The following ROBO1 variants were observed in gnomAD, a reference collection of about 807,000 sequenced individuals.
ROBO1 encodes roundabout homolog 1.
In ROBO1, 149 loss-of-function variants were observed where a neutral mutation model predicts 195.9. The observed-to-expected ratio is 0.76, with a 90% confidence interval of 0.67 to 0.87. The LOEUF is 0.87. ROBO1 is among the 40% of genes least tolerant of loss of function. The pLI, the probability that ROBO1 is intolerant of heterozygous loss-of-function variation, is 0.00. For missense variants in ROBO1, 1,933 were observed against 2,068.3 expected (o/e 0.93, Z 1.27); for synonymous variants, 816 against 733.2 (o/e 1.11, Z -1.82).
intron 2 of ROBO1, among the ~76,000 whole-genome samples, chr3:79,138,811 C>A (rs561239571): frequency 6.6e-6 from 1 of 151,734 alleles, no homozygotes; most frequent in Non-Finnish European, 1.5e-5. Context: ...TTAGGAAATT[C>A]TGATATAGAT....
chr3:78,807,491 C>T (rs1430746978), intron 4 of ROBO1, among the ~76,000 whole-genome samples: 1 of 152,056 alleles, frequency 6.6e-6, no homozygotes, highest in Non-Finnish European at 1.5e-5. Flanking sequence ...AAAAATGTTG[C>T]TGTGTTTCAT....
At chr3:79,177,893 G>T (rs532053815) in intron 2 of ROBO1, among the ~76,000 whole-genome samples, 2 of 152,196 alleles carry the variant, frequency 1.3e-5, no homozygotes, top group South Asian at 4.1e-4. Flanking sequence ...TATAATTTAA[G>T]AAATTATATC....
At chr3:79,417,631 A>G (rs922537999) in intron 2 of ROBO1, among the ~76,000 whole-genome samples, 2 of 152,134 alleles carry the variant, frequency 1.3e-5, no homozygotes, top group Non-Finnish European at 2.9e-5. Context: ...TTCCAAAACC[A>G]TGGTTATAAT....
chr3:79,571,950 G>GA (rs200291197), intron 2 of ROBO1, among the ~76,000 whole-genome samples: 5 of 147,550 alleles, frequency 3.4e-5, no homozygotes, highest in Admixed American at 6.7e-5. Flanking sequence ...TTGCAGACTA[G>GA]AAAAAAAAAA....
chr3:79,633,491 A>G (rs1576153307), intron 1 of ROBO1, among the ~76,000 whole-genome samples: 1 of 151,516 alleles, frequency 6.6e-6, no homozygotes, highest in East Asian at 2.0e-4. Context: ...CAGCCTACAT[A>G]TTTGTTCTTA....
At chr3:79,276,084 A>T (rs958456357) in intron 2 of ROBO1, among the ~76,000 whole-genome samples, 3 of 152,082 alleles carry the variant, frequency 2.0e-5, no homozygotes, top group African/African-American at 7.2e-5. Context: ...ATCCCTATCA[A>T]AATATCAATG....
At chr3:79,235,297 A>G (rs554853764) in intron 2 of ROBO1, among the ~76,000 whole-genome samples, 46 of 152,308 alleles carry the variant, frequency 3.0e-4, no homozygotes, top group Admixed American at 1.4e-3. Flanking sequence ...AAAAAGGAAA[A>G]TAAGTGGTTG....
At chr3:79,058,700 A>G (rs1003519734) in intron 3 of ROBO1, among the ~76,000 whole-genome samples, 1 of 9,264 alleles carries the variant, frequency 1.1e-4, no homozygotes, top group African/African-American at 1.2e-4. Context: ...ATACACTTGT[A>G]TTAACTCCCT....
intron 4 of ROBO1, among the ~76,000 whole-genome samples, chr3:78,891,186 G>T (rs915071399): frequency 6.6e-6 from 1 of 152,198 alleles, no homozygotes; most frequent in South Asian, 2.1e-4. Flanking sequence ...CACCCCACCT[G>T]CAAGTAATGA....
intron 2 of ROBO1, among the ~76,000 whole-genome samples, chr3:79,197,735 C>T (rs1317275721): frequency 6.6e-6 from 1 of 152,074 alleles, no homozygotes; most frequent in African/African-American, 2.4e-5. Context: ...GCCACTGTAA[C>T]TGGAGTGAGA....
intron 2 of ROBO1, among the ~76,000 whole-genome samples, chr3:79,385,792 C>T (rs1229204787): frequency 6.6e-6 from 1 of 151,964 alleles, no homozygotes; most frequent in Non-Finnish European, 1.5e-5. Context: ...AAAAAACATA[C>T]CTGGGAAGAA....
chr3:79,500,941 T>C (rs76377217), intron 2 of ROBO1, among the ~76,000 whole-genome samples: 1 of 152,162 alleles, frequency 6.6e-6, no homozygotes, highest in African/African-American at 2.4e-5. Flanking sequence ...TTTCTCTCTC[T>C]CTCTCTCACA....
intron 4 of ROBO1, among the ~76,000 whole-genome samples, chr3:78,910,190 A>G (rs577438519): frequency 2.6e-5 from 4 of 152,002 alleles, no homozygotes; most frequent in Admixed American, 2.6e-4. Context: ...TATATAAAAT[A>G]CTTAGCATTA....
At chr3:79,656,034 C>A (rs1946148351) in intron 1 of ROBO1, among the ~76,000 whole-genome samples, 1 of 152,046 alleles carries the variant, frequency 6.6e-6, no homozygotes, top group Admixed American at 6.6e-5. Context: ...AAAGTCAGCA[C>A]AAGAACACTG....
intron 28 of ROBO1, among the ~76,000 whole-genome samples, chr3:78,608,903 G>T (rs1013590535): frequency 3.3e-5 from 5 of 152,116 alleles, no homozygotes; most frequent in African/African-American, 4.8e-5. Context: ...GGGAGAGTTT[G>T]TGAAGGAAGA....
chr3:79,691,123 A>G (rs1947285338), intron 1 of ROBO1, among the ~76,000 whole-genome samples: 1 of 151,884 alleles, frequency 6.6e-6, no homozygotes, highest in Non-Finnish European at 1.5e-5. Context: ...TAACACACGT[A>G]AGAACAAGTC....
At chr3:78,963,509 TTTTTTTTTTTTC>T (rs2041502687) in intron 3 of ROBO1, among the ~76,000 whole-genome samples, 18 of 135,004 alleles carry the variant, frequency 1.3e-4, no homozygotes, top group Non-Finnish European at 2.3e-4. Context: ...TTTTTTTTTT[TTTTTTTTTTTTC>T]TTTTTTTTTT....
At chr3:78,800,384 T>A (rs952402811) in intron 4 of ROBO1, among the ~76,000 whole-genome samples, 1 of 152,086 alleles carries the variant, frequency 6.6e-6, no homozygotes, top group Non-Finnish European at 1.5e-5. Flanking sequence ...AGACGAGTAA[T>A]GAACAATTTT....
chr3:79,300,523 C>T (rs1035254706), intron 2 of ROBO1, among the ~76,000 whole-genome samples: 11 of 152,188 alleles, frequency 7.2e-5, no homozygotes, highest in African/African-American at 2.2e-4. Flanking sequence ...GGCTCCTGTG[C>T]GGCCCCAGCC....
Sources: allele counts gnomAD v4.1 joint callset (sites outside exome capture counted in the v4.1 genomes callset), GRCh38; gene constraint gnomAD v4.1.1; transcripts MANE v1.5; gene names NCBI Gene and HGNC (gene_info 2026-07-23, HGNC 2026-07-21).